Variants in MICAL2 observed in about 807,000 individuals in gnomAD.
MICAL2 encodes [F-actin]-monooxygenase MICAL2.
In MICAL2, 77 loss-of-function variants were observed where a neutral mutation model predicts 127.3. The ratio of observed to expected loss-of-function variants is 0.60; its 90% CI spans 0.50 to 0.73. MICAL2 has a LOEUF of 0.73. Ranked by LOEUF, MICAL2 falls within the 30% of genes least tolerant of loss-of-function variation. The pLI is 0.00. For missense variants in MICAL2, 1,351 were observed against 1,434.4 expected, an observed-to-expected ratio of 0.94 and a Z score of 0.94; for synonymous variants, 570 against 551.1, an observed-to-expected ratio of 1.03 and a Z score of -0.48.
chr11:12,167,793 C>T (rs1855697004), intron 3 of MICAL2, among the ~76,000 whole-genome samples: 1 of 152,162 alleles, frequency 6.6e-6, no homozygotes, highest in South Asian at 2.1e-4. Context: ...CCAATGGTTG[C>T]ATTTGTTACC....
At chr11:12,234,210 G>A (rs1858707113) in intron 15 of MICAL2, among the ~76,000 whole-genome samples, 2 of 151,806 alleles carry the variant, frequency 1.3e-5, no homozygotes, top group East Asian at 3.9e-4. Flanking sequence ...GGCTCCCGTG[G>A]AACAGTCCCA....
At chr11:12,267,165 G>C (rs1170142256), downstream of MICAL2, among the ~76,000 whole-genome samples, 1 of 152,156 alleles carries the variant, frequency 6.6e-6, no homozygotes, top group Non-Finnish European at 1.5e-5. Flanking sequence ...CCCACCACCT[G>C]CCGGTGGACT....
chr11:12,186,058 G>A (rs1049105982), intron 3 of MICAL2, among the ~76,000 whole-genome samples: 8 of 152,354 alleles, frequency 5.3e-5, no homozygotes, highest in African/African-American at 1.9e-4. Flanking sequence ...CTTAGGCAGG[G>A]AGATGACAGC....
intron 3 of MICAL2, among the ~76,000 whole-genome samples, chr11:12,189,215 G>A (rs561139122): frequency 3.0e-4 from 46 of 152,240 alleles, no homozygotes; most frequent in African/African-American, 1.1e-3. Flanking sequence ...TGCTGTAAGT[G>A]GCTTCCTTCC....
chr11:12,225,061 A>C (rs1590453722), intron 13 of MICAL2, among the ~76,000 whole-genome samples: 3 of 137,866 alleles, frequency 2.2e-5, no homozygotes, highest in East Asian at 2.3e-4. Flanking sequence ...TTGACACCTC[A>C]CCCCCCACTA....
At chr11:12,301,531 T>C (rs1375826710) in intron 29 of MICAL2, among the ~76,000 whole-genome samples, 1 of 152,228 alleles carries the variant, frequency 6.6e-6, no homozygotes, top group African/African-American at 2.4e-5. Flanking sequence ...TAAATAAAGC[T>C]GGACACTAGT....
At chr11:12,282,013 T>C (rs1863777622) in intron 2 of MICAL2, among the ~76,000 whole-genome samples, 1 of 152,122 alleles carries the variant, frequency 6.6e-6, no homozygotes, top group Non-Finnish European at 1.5e-5. Flanking sequence ...GGAGCTCAAC[T>C]TGTCCTGCAT....
downstream of MICAL2, among the ~76,000 whole-genome samples, chr11:12,264,380 G>A (rs1004299957): frequency 6.6e-6 from 1 of 152,202 alleles, no homozygotes; most frequent in Admixed American, 6.5e-5. Flanking sequence ...TATCTATGGT[G>A]TGAGGCCCTG....
chr11:12,345,366 G>A (rs1387343462), intron 32 of MICAL2, among the ~76,000 whole-genome samples: 1 of 152,182 alleles, frequency 6.6e-6, no homozygotes, highest in Non-Finnish European at 1.5e-5. Flanking sequence ...AGCAATGTGG[G>A]CTGGATGACA....
In MICAL2 at chr11:12,236,219, C is replaced by T. The variant is rs145746384; in HGVS notation, c.2038C>T (p.Arg680Trp). Reference sequence around the variant, plus strand: ...AGAGAATGACATGAACAAACGGAGACGGAAGGGCTTCACCAACCTGGACGA... The same window carrying T: ...AGAGAATGACATGAACAAACGGAGATGGAAGGGCTTCACCAACCTGGACGA... ...TGENDMNKRRRKGFTNLDEPS... is the reference protein window; with the variant it reads ...TGENDMNKRRWKGFTNLDEPS... Residue 680 changes from arginine to tryptophan, a missense_variant, in exon 16 of 28, where the codon CGG becomes TGG. This residue lies in a region of MICAL2 where 752 missense variants were observed against 719.4 expected (regional missense o/e 1.05). Transcript: ENST00000683283. 1.4e-5 allele frequency: 23 copies of T among 1,614,026 alleles called. No individual in the cohort carries two copies. Among genetic ancestry groups the T allele is most frequent in the African/African-American group, 2.7e-5 (2 of 74,900 alleles).
At chr11:12,291,364 C>T (rs187181563), downstream of MICAL2, among the ~76,000 whole-genome samples, 98 of 152,212 alleles carry the variant, frequency 6.4e-4, 1 homozygote, top group Admixed American at 6.5e-5. Context: ...GAAGACAGTG[C>T]GCACATGTGA....
At chr11:12,276,289 C>A in intron 1 of MICAL2, 3 of 397,684 alleles carry the variant, frequency 7.5e-6, no homozygotes, top group Non-Finnish European at 1.3e-5. Context: ...ATTTCCTCAT[C>A]TGTAAAATGG....
intron 3 of MICAL2, among the ~76,000 whole-genome samples, chr11:12,181,533 T>C (rs1457656795): frequency 1.3e-5 from 2 of 152,262 alleles, no homozygotes; most frequent in East Asian, 3.8e-4. Flanking sequence ...AATGGTTTTT[T>C]TAACAGCTTA....
intron 1 of MICAL2, among the ~76,000 whole-genome samples, chr11:12,118,855 GT>G (rs1205012773): frequency 6.6e-6 from 1 of 152,162 alleles, no homozygotes; most frequent in Non-Finnish European, 1.5e-5. Context: ...AAATGTCAGG[GT>G]TTTTGTTGTT....
At chr11:12,170,898 C>T (rs1052465263) in intron 3 of MICAL2, among the ~76,000 whole-genome samples, 1 of 152,250 alleles carries the variant, frequency 6.6e-6, no homozygotes, top group Non-Finnish European at 1.5e-5. Flanking sequence ...GTCCCCAGCA[C>T]AGGGCTTGGC....
intron 26 of MICAL2, chr11:12,260,403 C>T (rs1465647268): frequency 8.0e-7 from 1 of 1,253,430 alleles, no homozygotes; most frequent in Non-Finnish European, 1.0e-6. Flanking sequence ...CTTTGTGAGC[C>T]ATACTTCTGG....
chr11:12,147,820 G>T (rs1853107277), intron 2 of MICAL2, among the ~76,000 whole-genome samples: 1 of 152,210 alleles, frequency 6.6e-6, no homozygotes, highest in Non-Finnish European at 1.5e-5. Context: ...CTGATCAACA[G>T]AATTCCCTGG....
intron 2 of MICAL2, among the ~76,000 whole-genome samples, chr11:12,155,068 G>A (rs1289524709): frequency 6.6e-6 from 1 of 152,236 alleles, no homozygotes; most frequent in East Asian, 1.9e-4. Context: ...GTGAGTGCCC[G>A]CTGTCAGTGT....
chr11:12,164,760 G>A (rs71478991), intron 3 of MICAL2, among the ~76,000 whole-genome samples: 24 of 152,196 alleles, frequency 1.6e-4, no homozygotes, highest in South Asian at 6.2e-4. Context: ...TACTGTGATT[G>A]GCAGCCCTTT....
Sources: gnomAD v4.1 joint callset for allele counts (sites outside exome capture counted in the v4.1 genomes callset) on GRCh38, gnomAD v4.1.1 for gene constraint, gnomAD v4.1.1 regional missense constraint, MANE v1.5 for transcripts, NCBI Gene and HGNC (gene_info 2026-07-23, HGNC 2026-07-21) for gene names.